The following PCDH11X variants were observed in gnomAD, a reference collection of about 807,000 sequenced individuals.
PCDH11X encodes protocadherin-11 X-linked.
In PCDH11X, 18 loss-of-function variants were observed where a neutral mutation model predicts 53.3. That is an observed-to-expected ratio of 0.34 (90% CI 0.23 to 0.50). The LOEUF is 0.50. Ranked by LOEUF, PCDH11X falls within the 20% of genes least tolerant of loss-of-function variation. The pLI is 0.98. For synonymous variants in PCDH11X, 279 were observed against 393.3 expected, an observed-to-expected ratio of 0.71 and a Z score of 3.44; for missense variants, 570 against 1,032.4, an observed-to-expected ratio of 0.55 and a Z score of 6.14.
chrX:91,956,503 C>T (rs1410169032), intron 6 of PCDH11X, among the ~76,000 whole-genome samples: 2 of 109,576 alleles, frequency 1.8e-5, no homozygotes, highest in Non-Finnish European at 3.8e-5. Context: ...ATTTCTCCTT[C>T]ACTTACGAAA....
intron 6 of PCDH11X, among the ~76,000 whole-genome samples, chrX:92,039,112 G>C (rs1291581044): frequency 8.9e-6 from 1 of 111,894 alleles, no homozygotes; most frequent in African/African-American, 3.3e-5. Context: ...TAAAAGATTT[G>C]GAAGAATTAA....
chrX:92,098,075 T>G (rs1360684506), intron 6 of PCDH11X, among the ~76,000 whole-genome samples: 1 of 111,113 alleles, frequency 9.0e-6, no homozygotes, highest in African/African-American at 3.3e-5. Flanking sequence ...CATATATGTA[T>G]GTATTCAAAT....
At chrX:92,188,714 T>A (rs2066141567) in intron 6 of PCDH11X, among the ~76,000 whole-genome samples, 1 of 111,748 alleles carries the variant, frequency 8.9e-6, no homozygotes, top group African/African-American at 3.2e-5. Context: ...AAAAGTAAAG[T>A]GAAGCATCTT....
intron 5 of PCDH11X, among the ~76,000 whole-genome samples, chrX:91,863,160 AT>A (rs1938778813): frequency 9.4e-6 from 1 of 106,367 alleles, no homozygotes; most frequent in Non-Finnish European, 1.9e-5. Context: ...TTCTTTGTTG[AT>A]TTTCTGTTGG....
chrX:92,402,133 T>C lies in PCDH11X; in HGVS notation c.3343+14200T>C, dbSNP rs1035774990. Among the ~76,000 whole-genome samples the C allele has an allele frequency of 1.6e-4, 18 of 111,431 alleles. No individual in the cohort carries two copies. The Admixed American group carries it at 1.6e-3, about 10-fold the overall frequency. ...AGGTTCTGTCAATAACTCTGTAACCTAGGTGACACAAACAAATGGAAAAGC... is the reference window on the plus strand; with the variant it reads ...AGGTTCTGTCAATAACTCTGTAACCCAGGTGACACAAACAAATGGAAAAGC... On this transcript the variant is annotated intron_variant, in intron 9 of 10. Transcript: ENST00000682573.
intron 6 of PCDH11X, among the ~76,000 whole-genome samples, chrX:92,186,636 A>AAAT (rs2148300050): frequency 9.2e-6 from 1 of 109,185 alleles, no homozygotes; most frequent in African/African-American, 3.3e-5. Flanking sequence ...CTCAAAAAAA[A>AAAT]AAAAAAAAAA....
At chrX:91,946,581 A>ATATAT (rs1460105441) in intron 6 of PCDH11X, among the ~76,000 whole-genome samples, 2 of 87,619 alleles carry the variant, frequency 2.3e-5, no homozygotes, top group African/African-American at 4.2e-5. Context: ...ATATATATAT[A>ATATAT]TATATATATA....
intron 8 of PCDH11X, among the ~76,000 whole-genome samples, chrX:92,367,420 G>A (rs780592447): frequency 2.3e-3 from 257 of 111,157 alleles, no homozygotes; most frequent in African/African-American, 8.0e-3. Context: ...CTTGAATACA[G>A]CACACCAATG....
chrX:92,199,026 C>T lies in PCDH11X; in HGVS notation c.3034-2349C>T, dbSNP rs774484347. ...AAAGGTGGGAAATAATATAAACGTA[C>T]CCCTTTTCTCTCACATATGTCTATT... On this transcript the variant is annotated intron_variant, in intron 6 of 10. Coordinates refer to ENST00000682573, the MANE Select transcript of PCDH11X (RefSeq NM_032968.5). 1.8e-4 allele frequency among the ~76,000 whole-genome samples: 20 copies of T among 111,212 alleles called. No homozygotes were observed. In the South Asian group the frequency reaches 2.2e-3, roughly 13 times the overall value.
At chrX:92,445,352 G>A in intron 9 of PCDH11X, among the ~76,000 whole-genome samples, 1 of 105,137 alleles carries the variant, frequency 9.5e-6, no homozygotes, top group East Asian at 3.1e-4. Context: ...AGATCATCTA[G>A]TTCATGTGCA....
intron 7 of PCDH11X, among the ~76,000 whole-genome samples, chrX:92,204,737 C>T (rs2066446942): frequency 8.9e-6 from 1 of 111,855 alleles, no homozygotes; most frequent in Admixed American, 9.5e-5. Context: ...GGTATTAGTC[C>T]GTTCTCACGC....
intron 8 of PCDH11X, among the ~76,000 whole-genome samples, chrX:92,296,583 C>T (rs1161492040): frequency 1.8e-5 from 2 of 111,418 alleles, no homozygotes; most frequent in Admixed American, 9.6e-5. Context: ...TGATCTTGTT[C>T]TTTTTTATGG....
At chrX:92,208,704 G>A (rs914982523) in intron 7 of PCDH11X, among the ~76,000 whole-genome samples, 1 of 104,648 alleles carries the variant, frequency 9.6e-6, no homozygotes, top group Admixed American at 1.0e-4. Flanking sequence ...AGAATATAAG[G>A]TGTTGAAATA....
intron 8 of PCDH11X, among the ~76,000 whole-genome samples, chrX:92,277,235 G>A (rs748538068): frequency 1.8e-3 from 200 of 110,307 alleles, no homozygotes; most frequent in Admixed American, 2.8e-3. Context: ...GACTAGGAAG[G>A]GACTGATGTG....
At chrX:91,851,952 A>T (rs2147661470) in intron 5 of PCDH11X, among the ~76,000 whole-genome samples, 1 of 110,911 alleles carries the variant, frequency 9.0e-6, no homozygotes, top group Non-Finnish European at 1.9e-5. Flanking sequence ...AGGAAAAAAA[A>T]AATTTCTCCT....
chrX:91,990,973 G>C (rs1176727556), intron 6 of PCDH11X, among the ~76,000 whole-genome samples: 1 of 100,478 alleles, frequency 1.0e-5, no homozygotes, highest in Non-Finnish European at 2.0e-5. Context: ...AATAAATTTT[G>C]GGTTCTCCAT....
intron 4 of PCDH11X, among the ~76,000 whole-genome samples, chrX:91,825,533 C>T (rs1936888617): frequency 8.9e-6 from 1 of 111,982 alleles, no homozygotes. Context: ...CCTGCTTCAG[C>T]TCGCGCACGG....
chrX:92,428,447 G>A (rs1603309289), intron 9 of PCDH11X, among the ~76,000 whole-genome samples: 1 of 110,838 alleles, frequency 9.0e-6, no homozygotes, highest in Non-Finnish European at 1.9e-5. Flanking sequence ...CCCTTTTCCG[G>A]TGTCCCTCTT....
At chrX:92,326,268 G>A (rs1174935379) in intron 8 of PCDH11X, among the ~76,000 whole-genome samples, 3 of 109,160 alleles carry the variant, frequency 2.7e-5, no homozygotes, top group Non-Finnish European at 3.8e-5. Flanking sequence ...TGGTAGACTC[G>A]GGGTAATCAG....
Sources: gnomAD v4.1 joint callset for allele counts (sites outside exome capture counted in the v4.1 genomes callset) on GRCh38, gnomAD v4.1.1 for gene constraint, MANE v1.5 for transcripts, NCBI Gene and HGNC (gene_info 2026-07-23, HGNC 2026-07-21) for gene names.